Variants in CCDC146 observed in about 807,000 individuals in gnomAD.
The protein encoded by CCDC146 is coiled-coil domain containing 146.
Under a neutral mutation model 119.3 loss-of-function variants are expected in CCDC146, and 92 were observed. The observed-to-expected ratio is 0.77, with a 90% CI of 0.65 to 0.92. The LOEUF (loss-of-function observed/expected upper bound fraction) is 0.92, where lower values mean the gene tolerates loss of function less well. CCDC146 is among the 40% of genes least tolerant of loss of function. CCDC146 has a pLI of 0.00. For synonymous variants in CCDC146, 372 were observed against 371.8 expected, an observed-to-expected ratio of 1.00 and a Z score of -0.01; for missense variants, 1,000 against 1,103.0, an observed-to-expected ratio of 0.91 and a Z score of 1.32.
chr7:77,254,529 T>C lies in CCDC146; in HGVS notation c.473T>C (p.Ile158Thr), dbSNP rs1260353014. 6.5e-6 allele frequency: 10 copies of C among 1,544,860 alleles called. No individual in the cohort carries two copies. Among genetic ancestry groups the C allele is most frequent in the Non-Finnish European group, 8.9e-6 (10 of 1,123,328 alleles). ...LNSLKEEKII[I>T]VKEFEKITKP... is the part of the protein sequence containing the mutation. ...AGCTTAAAGGAAGAAAAAATCATCA[T>C]AGTAAAAGAATTTGAGAAGATAACA... Residue 158 changes from isoleucine to threonine, a missense_variant, in exon 5 of 19, where the codon ATA (isoleucine) becomes ACA (threonine). This residue lies in a region of CCDC146 where 985 missense variants were observed against 1,045.3 expected (regional missense o/e 0.94). Coordinates refer to ENST00000285871, the MANE Select transcript of CCDC146 (RefSeq NM_020879.3).
intron 2 of CCDC146, among the ~76,000 whole-genome samples, chr7:77,190,752 GC>G (rs1791747907): frequency 2.0e-5 from 3 of 152,308 alleles, no homozygotes; most frequent in African/African-American, 7.2e-5. Flanking sequence ...ATCTGGCAAT[GC>G]ACAGAATGAA....
chr7:77,143,522 T>G (rs1376938780), intron 1 of CCDC146, among the ~76,000 whole-genome samples: 1 of 151,958 alleles, frequency 6.6e-6, no homozygotes, highest in Non-Finnish European at 1.5e-5. Flanking sequence ...ATTGCCTAGG[T>G]TTTCTTCTAG....
At chr7:77,147,659 G>T (rs983950744) in intron 1 of CCDC146, among the ~76,000 whole-genome samples, 2 of 152,200 alleles carry the variant, frequency 1.3e-5, no homozygotes, top group African/African-American at 4.8e-5. Context: ...GTCTGTTGGA[G>T]TTTGCTGGAG....
rs540174965 is a variant in CCDC146 at position 77,229,224 on chromosome 7, C to T, written c.157-7723C>T. Among the ~76,000 whole-genome samples the T allele has an allele frequency of 1.4e-4, 21 of 152,244 alleles. No homozygotes were observed. In the South Asian group the frequency reaches 3.9e-3, roughly 29 times the overall value. On this transcript the variant is annotated intron_variant, in intron 2 of 18. Transcript: ENST00000285871. ...TTCCTTATAGATGCTGGATATTAGA[C>T]CTTTGTCGGATGCATAGTTTGCAAA...
In CCDC146 at chr7:77,196,704, T is replaced by G. The variant is rs762149169; in HGVS notation, c.156+28880T>G. The G allele has an allele frequency of 2.5e-6, 4 of 1,614,088 alleles. No homozygotes were observed. In the African/African-American group the frequency reaches 4.0e-5, roughly 16 times the overall value. ...AAGTCTTCAAGATCTATTCTCAGAATCATTTCCTTACTCTTGGTCAGAAGA... is the reference window on the plus strand; with the variant it reads ...AAGTCTTCAAGATCTATTCTCAGAAGCATTTCCTTACTCTTGGTCAGAAGA... On this transcript the variant is annotated intron_variant, in intron 2 of 18. Coordinates refer to ENST00000285871, the MANE Select transcript of CCDC146 (RefSeq NM_020879.3). This position sits in a 1 kb window ranked among gnomAD's most constrained non-coding sequence, Gnocchi z 4.2.
chr7:77,150,975 A>T (rs1324080811), intron 1 of CCDC146, among the ~76,000 whole-genome samples: 1 of 152,200 alleles, frequency 6.6e-6, no homozygotes, highest in Non-Finnish European at 1.5e-5. Flanking sequence ...TTTTAGTTTG[A>T]TTTTCTATGA....
chr7:77,190,972 G>C (rs17155678), intron 2 of CCDC146, among the ~76,000 whole-genome samples: 9,279 of 152,012 alleles, frequency 0.061, 934 homozygotes, highest in African/African-American at 0.21. Context: ...TCACTATTGG[G>C]CAGGTACAGC....
chr7:77,152,720 T>A (rs3114346), intron 1 of CCDC146, among the ~76,000 whole-genome samples: 1 of 151,898 alleles, frequency 6.6e-6, no homozygotes, highest in Non-Finnish European at 1.5e-5. Context: ...AATTCATGCC[T>A]AAAAGGACCC....
intron 2 of CCDC146, among the ~76,000 whole-genome samples, chr7:77,192,644 G>T (rs1410656857): frequency 6.6e-6 from 1 of 152,202 alleles, no homozygotes; most frequent in Non-Finnish European, 1.5e-5. Context: ...GGCATTGTTG[G>T]CCGGGCACGG....
rs1793263197 is a variant in CCDC146, at chr7:77,260,042, A to G, written c.792A>G (p.Gln264=). ...EMEKKKIVLE[Q]EVKTLNDSLK... is the part of the protein sequence containing the mutation. The stretch of plus-strand genomic sequence containing the variant: ...AAAAGAAAAAAATTGTCTTGGAACA[A>G]GAAGTCAAAACGCTAAATGACTCCC... Residue 264 remains glutamine (Q), a synonymous_variant, in exon 8 of 19, where the codon CAA becomes CAG. Transcript: ENST00000285871. The G allele has an allele frequency of 1.2e-6, 2 of 1,613,130 alleles. No homozygotes were observed. Among genetic ancestry groups the G allele is most frequent in the Non-Finnish European group, 1.7e-6 (2 of 1,179,798 alleles).
At chr7:77,269,519 T>C (rs1793469461) in intron 9 of CCDC146, among the ~76,000 whole-genome samples, 2 of 152,244 alleles carry the variant, frequency 1.3e-5, no homozygotes, top group African/African-American at 4.8e-5. Flanking sequence ...TCTGTGATGG[T>C]GAGGCTTGTC....
At chr7:77,154,461 C>T (rs1161384274) in intron 1 of CCDC146, among the ~76,000 whole-genome samples, 1 of 148,482 alleles carries the variant, frequency 6.7e-6, no homozygotes, top group Non-Finnish European at 1.5e-5. Context: ...CCCCCCTCCC[C>T]CACCCCATGA....
intron 3 of CCDC146, 25 bp from the exon 4 acceptor site, chr7:77,241,666 A>C: frequency 6.2e-7 from 1 of 1,605,794 alleles, no homozygotes; most frequent in Non-Finnish European, 8.5e-7. Flanking sequence ...TCATTATGTG[A>C]GTCTCTGTTT....
chr7:77,286,365 C>T (rs1262401526), intron 15 of CCDC146, among the ~76,000 whole-genome samples: 2 of 152,146 alleles, frequency 1.3e-5, no homozygotes, highest in Non-Finnish European at 2.9e-5. Flanking sequence ...GCCCCCATGA[C>T]CCAAACACCT....
intron 2 of CCDC146, among the ~76,000 whole-genome samples, chr7:77,217,462 G>A (rs1792320905): frequency 6.6e-6 from 1 of 151,720 alleles, no homozygotes; most frequent in Admixed American, 6.6e-5. Flanking sequence ...ATAAATATAT[G>A]TGAAAATATA....
chr7:77,286,792 T>C lies in CCDC146; in HGVS notation c.2149-6T>C. 1 of 1,611,946 alleles carries C rather than the reference T, an allele frequency of 6.2e-7. No homozygotes were observed. The highest frequency in any genetic ancestry group is 1.1e-5 in the South Asian group (1 of 90,656). On this transcript the variant is annotated splice_region_variant and splice_polypyrimidine_tract_variant and intron_variant, in intron 15 of 18. Transcript: ENST00000285871. ...CATTTTAAAGTTAATGTTTTTTTCT[T>C]AATAGTTTTCACAGTGTACAGACAG...
At chr7:77,180,617 GA>G (rs1791572161) in intron 2 of CCDC146, among the ~76,000 whole-genome samples, 1 of 152,084 alleles carries the variant, frequency 6.6e-6, no homozygotes, top group South Asian at 2.1e-4. Context: ...AAGATGGCTT[GA>G]TTCTAGGAGG....
At chr7:77,266,217 G>A (rs1453399417) in intron 9 of CCDC146, among the ~76,000 whole-genome samples, 3 of 152,118 alleles carry the variant, frequency 2.0e-5, no homozygotes, top group Non-Finnish European at 4.4e-5. Flanking sequence ...CTCTTACCAA[G>A]TGAATATGAC....
At chr7:77,180,719 A>C (rs966921036) in intron 2 of CCDC146, among the ~76,000 whole-genome samples, 2 of 152,080 alleles carry the variant, frequency 1.3e-5, no homozygotes, top group African/African-American at 4.8e-5. Flanking sequence ...CTCCTTTAAA[A>C]ATTTTTGGAT....
Sources: allele counts gnomAD v4.1 joint callset (sites outside exome capture counted in the v4.1 genomes callset), GRCh38; gene constraint gnomAD v4.1.1; regional missense constraint gnomAD v4.1.1; non-coding constraint Gnocchi (gnomAD v3.1); transcripts MANE v1.5; gene names NCBI Gene and HGNC (gene_info 2026-07-23, HGNC 2026-07-21).